The following CALD1 variants were observed in gnomAD, a reference collection of about 807,000 sequenced individuals.
CALD1 encodes caldesmon 1, also known as caldesmon.
A neutral mutation model predicts 99.9 loss-of-function variants in CALD1; 33 were observed. The ratio of observed to expected loss-of-function variants is 0.33; its 90% CI spans 0.25 to 0.44. CALD1 has a LOEUF of 0.44. Among genes scored for constraint, CALD1 ranks in the 20% least tolerant of loss-of-function variants. The pLI is 1.00. For synonymous variants in CALD1, 310 were observed against 325.0 expected (o/e 0.95, Z 0.50); for missense variants, 861 against 962.1 (o/e 0.89, Z 1.39).
intron 1 of CALD1, among the ~76,000 whole-genome samples, chr7:134,753,619 G>A (rs1796703375): frequency 6.6e-6 from 1 of 152,148 alleles, no homozygotes; most frequent in South Asian, 2.1e-4. Context: ...CCTGAGGGTG[G>A]CTCCTGCCTT....
At chr7:134,736,239 A>G in the CALD1 span, among the ~76,000 whole-genome samples, 2 of 152,230 alleles carry the variant, frequency 1.3e-5, no homozygotes, top group African/African-American at 4.8e-5. Context: ...TGAAGAGAAT[A>G]AGTGTATTAT....
chr7:134,855,309 C>G (rs1279189691), intron 2 of CALD1, among the ~76,000 whole-genome samples: 1 of 152,164 alleles, frequency 6.6e-6, no homozygotes, highest in East Asian at 1.9e-4. Flanking sequence ...TATGAATACT[C>G]TCACTTGAGG....
intron 2 of CALD1, among the ~76,000 whole-genome samples, chr7:134,859,044 T>A (rs1800445716): frequency 6.6e-6 from 1 of 152,246 alleles, no homozygotes; most frequent in Non-Finnish European, 1.5e-5. Flanking sequence ...TCAATTTAAA[T>A]GACCTCGTGG....
chr7:134,731,542 T>G, the CALD1 span, among the ~76,000 whole-genome samples: 5 of 152,208 alleles, frequency 3.3e-5, no homozygotes, highest in Non-Finnish European at 5.9e-5. Context: ...CTTTACATGA[T>G]TGACCCTGTT....
chr7:134,809,211 G>T, intron 1 of CALD1, among the ~76,000 whole-genome samples: 1 of 152,092 alleles, frequency 6.6e-6, no homozygotes, highest in East Asian at 1.9e-4. Flanking sequence ...TCCTGCTTAT[G>T]GGCTCTTGCT....
chr7:134,796,257 G>A (rs549942392), intron 1 of CALD1, among the ~76,000 whole-genome samples: 251 of 152,200 alleles, frequency 1.6e-3, no homozygotes, highest in African/African-American at 5.9e-3. Flanking sequence ...CTTGTGCCTC[G>A]GGCTTCTTAA....
In CALD1 at chr7:134,816,487, C is replaced by T. The variant is rs191333098; in HGVS notation, c.-129-27397C>T. Among the ~76,000 whole-genome samples, 647 of 152,298 alleles carry T rather than the reference C, an allele frequency of 4.2e-3. 10 individuals are homozygous for T. The highest frequency in any genetic ancestry group is 0.015 in the African/African-American group (610 of 41,574). On this transcript the variant is annotated intron_variant, in intron 1 of 14. Transcript: ENST00000361675. ...AGCTACCCCAAAATATTTGAAAGAG[C>T]TTATGACATCATTCTTAGATCATGT... is the stretch of plus-strand genomic sequence containing the variant.
At chr7:134,840,333 T>C (rs992662308) in intron 1 of CALD1, among the ~76,000 whole-genome samples, 1 of 152,222 alleles carries the variant, frequency 6.6e-6, no homozygotes. Flanking sequence ...GTTGTTTTGA[T>C]AGAGTTGGGA....
intron 3 of CALD1, among the ~76,000 whole-genome samples, chr7:134,914,321 T>C (rs1027600279): frequency 6.6e-6 from 1 of 152,200 alleles, no homozygotes; most frequent in African/African-American, 2.4e-5. Context: ...CTGTTCTAAA[T>C]GATTGTAGGA....
At chr7:134,779,883 GA>G (rs1266454461) in intron 1 of CALD1, 134 bp downstream of exon 1, 1 of 392,772 alleles carries the variant, frequency 2.5e-6, no homozygotes, top group Admixed American at 4.4e-5. Context: ...GCAAACTCCC[GA>G]GCCTGACTGG....
chr7:134,926,670 C>T (rs1805042310), intron 3 of CALD1, among the ~76,000 whole-genome samples: 1 of 152,144 alleles, frequency 6.6e-6, no homozygotes, highest in African/African-American at 2.4e-5. Context: ...AAATGCCTAA[C>T]TTACAACTCT....
chr7:134,735,796 G>C, the CALD1 span, among the ~76,000 whole-genome samples: 2 of 152,146 alleles, frequency 1.3e-5, no homozygotes, highest in Non-Finnish European at 2.9e-5. Context: ...ATTAAACATT[G>C]CTAGGAGGTA....
At chr7:134,792,446 T>A (rs1797576741) in intron 1 of CALD1, among the ~76,000 whole-genome samples, 1 of 151,896 alleles carries the variant, frequency 6.6e-6, no homozygotes, top group Admixed American at 6.6e-5. Flanking sequence ...CTCGCCACCA[T>A]GCCAGGCTAA....
rs549530819 is a variant in CALD1, at chr7:134,861,102, T to C, written c.-41-6591T>C. Reference sequence around the variant, plus strand: ...AGGAGGAAGAAGCATGGATATGTCATGTGTGATACCTCCAGCTTTGCTGGC... The same window carrying C: ...AGGAGGAAGAAGCATGGATATGTCACGTGTGATACCTCCAGCTTTGCTGGC... On this transcript the variant is annotated intron_variant, in intron 2 of 14. Coordinates refer to ENST00000361675, the MANE Select transcript of CALD1 (RefSeq NM_033138.4). 7.9e-5 allele frequency among the ~76,000 whole-genome samples: 12 copies of C among 152,318 alleles called. No individual in the cohort carries two copies. In the South Asian group the frequency reaches 2.5e-3, roughly 32 times the overall value.
chr7:134,747,880 A>G (rs1007084213), intron 1 of CALD1, among the ~76,000 whole-genome samples: 1 of 152,226 alleles, frequency 6.6e-6, no homozygotes, highest in Non-Finnish European at 1.5e-5. Flanking sequence ...GGGACACCAC[A>G]GAGACCACAG....
chr7:134,830,681 C>G (rs1010720484), intron 1 of CALD1, among the ~76,000 whole-genome samples: 1 of 152,060 alleles, frequency 6.6e-6, no homozygotes, highest in African/African-American at 2.4e-5. Flanking sequence ...TCTGTTCCTG[C>G]GTTAGTTTGC....
chr7:134,911,421 G>T (rs868663747), intron 3 of CALD1, among the ~76,000 whole-genome samples: 1 of 151,936 alleles, frequency 6.6e-6, no homozygotes, highest in African/African-American at 2.4e-5. Flanking sequence ...TTGGTTTTGG[G>T]GATGACCTTC....
chr7:134,720,590 G>A, the CALD1 span, among the ~76,000 whole-genome samples: 1 of 152,128 alleles, frequency 6.6e-6, no homozygotes, highest in Non-Finnish European at 1.5e-5. Flanking sequence ...CATCTCCATG[G>A]CAACATAAAG....
At chr7:134,723,382 T>C in the CALD1 span, among the ~76,000 whole-genome samples, 5 of 152,164 alleles carry the variant, frequency 3.3e-5, no homozygotes, top group Non-Finnish European at 7.4e-5. Flanking sequence ...CCTCTTGTCC[T>C]GACATTAATT....
Sources: gnomAD v4.1 joint callset for allele counts (sites outside exome capture counted in the v4.1 genomes callset) on GRCh38, gnomAD v4.1.1 for gene constraint, MANE v1.5 for transcripts, NCBI Gene and HGNC (gene_info 2026-07-23, HGNC 2026-07-21) for gene names.